The following RHOBTB2 variants were observed in gnomAD, a reference collection of about 807,000 sequenced individuals.
RHOBTB2 encodes the protein rho-related BTB domain-containing protein 2.
In RHOBTB2, 39 loss-of-function variants were observed where a neutral mutation model predicts 66.5. The observed-to-expected ratio is 0.59, with a 90% CI of 0.45 to 0.77. RHOBTB2 has a LOEUF of 0.77. RHOBTB2 is among the 30% of genes least tolerant of loss of function. RHOBTB2 has a pLI of 0.00. For synonymous variants in RHOBTB2, 390 were observed against 395.0 expected (o/e 0.99, Z 0.15); for missense variants, 755 against 999.1 (o/e 0.76, Z 3.29).
intron 9 of RHOBTB2, among the ~76,000 whole-genome samples, chr8:23,015,956 C>CA (rs1554505792): frequency 1.3e-5 from 2 of 152,238 alleles, no homozygotes; most frequent in African/African-American, 4.8e-5. Flanking sequence ...TTCTCATTCT[C>CA]AGAGGTATGA....
At position 23,014,781 on chromosome 8, in the gene RHOBTB2, A is replaced by G; in HGVS notation, c.1860+3A>G. ...TTGTGTTCCTGGAACTGGCTCAGGTATCATGGCAGGGGAGGGAATCTACAA... is the reference window on the plus strand; with the variant it reads ...TTGTGTTCCTGGAACTGGCTCAGGTGTCATGGCAGGGGAGGGAATCTACAA... On this transcript the variant is annotated splice_donor_region_variant and intron_variant, in intron 8 of 9. Coordinates refer to ENST00000251822, the MANE Select transcript of RHOBTB2 (RefSeq NM_015178.3). The G allele has an allele frequency of 6.2e-7, 1 of 1,612,144 alleles. No homozygotes were observed. Among genetic ancestry groups the G allele is most frequent in the Non-Finnish European group, 8.5e-7 (1 of 1,178,254 alleles).
the RHOBTB2 span, among the ~76,000 whole-genome samples, chr8:22,958,839 C>T: frequency 7.3e-6 from 1 of 136,778 alleles, no homozygotes; most frequent in African/African-American, 2.7e-5. Flanking sequence ...GGTTGAACAT[C>T]TGAAGTATGC....
chr8:23,011,996 C>T (rs1159242077), intron 7 of RHOBTB2, among the ~76,000 whole-genome samples: 2 of 152,096 alleles, frequency 1.3e-5, no homozygotes, highest in African/African-American at 2.4e-5. Flanking sequence ...ATATTAAGAG[C>T]GGAGGCTGCA....
chr8:23,010,589 C>G lies in RHOBTB2; in HGVS notation c.1672C>G (p.Leu558Val), dbSNP rs768318061. Residue 558 changes from leucine (L) to valine (V), a missense_variant, in exon 7 of 10, where the codon CTC becomes GTC. This residue lies in a region of RHOBTB2 where 353 missense variants were observed against 458.2 expected (regional missense o/e 0.77). Coordinates refer to ENST00000251822, the MANE Select transcript of RHOBTB2 (RefSeq NM_015178.3). ...KSCMRAVLEY[L>V]YTGMFTSSPD... ...CTGCATGCGGGCCGTGCTGGAATAC[C>G]TCTACACCGGCATGTTCACCTCCAG... 2 of 1,614,136 alleles carry G rather than the reference C, an allele frequency of 1.2e-6. No homozygotes were observed. Among genetic ancestry groups the G allele is most frequent in the Non-Finnish European group, 8.5e-7 (1 of 1,180,022 alleles).
the RHOBTB2 span, among the ~76,000 whole-genome samples, chr8:22,976,767 A>C: frequency 6.6e-6 from 1 of 151,692 alleles, no homozygotes; most frequent in Non-Finnish European, 1.5e-5. Flanking sequence ...CCGTGATTAC[A>C]AGCATGTGCC....
intron 1 of RHOBTB2, among the ~76,000 whole-genome samples, chr8:23,003,559 A>G (rs1474644283): frequency 2.0e-5 from 3 of 152,202 alleles, no homozygotes; most frequent in African/African-American, 7.2e-5. Context: ...GTGGAGGTGG[A>G]TCTCACTCTC....
chr8:22,997,804 A>C (rs1203164858), upstream of RHOBTB2, among the ~76,000 whole-genome samples: 1 of 152,026 alleles, frequency 6.6e-6, no homozygotes, highest in East Asian at 1.9e-4. Context: ...CGTGGGAGAG[A>C]CCCTGGCCTG....
upstream of RHOBTB2, among the ~76,000 whole-genome samples, chr8:22,996,728 C>T (rs1224782737): frequency 6.6e-6 from 1 of 152,004 alleles, no homozygotes. Flanking sequence ...GAGTGGGAGG[C>T]TTCCTGTGCT....
Position 22,999,988 on chromosome 8 carries a change from C to CCGGCGT in RHOBTB2, c.-125_-120dup, listed in dbSNP as rs1035550626. The CCGGCGT allele has an allele frequency of 1.0e-5, 10 of 985,454 alleles. No individual in the cohort carries two copies. Among genetic ancestry groups the CCGGCGT allele is most frequent in the African/African-American group, 1.7e-5 (1 of 57,240 alleles). The allele number at this position is 985,454 out of a possible 1,614,324, so 61.0% of individuals were successfully genotyped here. The stretch of plus-strand genomic sequence containing the variant: ...GGAGCCCAGCAGCAGCGCGGCGGCG[C>CCGGCGT]CGGCGTCGTCCCAACTTGCAGGCGC... On this transcript the variant is annotated 5_prime_UTR_variant, in exon 1 of 10. Coordinates refer to ENST00000251822, the MANE Select transcript of RHOBTB2 (RefSeq NM_015178.3).
the RHOBTB2 span, among the ~76,000 whole-genome samples, chr8:22,960,667 G>A: frequency 5.9e-5 from 9 of 152,146 alleles, no homozygotes; most frequent in South Asian, 2.1e-4. Flanking sequence ...ACAGATCACA[G>A]TGCACAGCTA....
rs1314227950 is a variant in RHOBTB2, at chr8:22,999,799, C to A, written c.-317C>A. ...CGCGCCGCCCGCTGCCTCCGCAGCC[C>A]GGCTCCGCGCGCCGCCGTGACATTG... On this transcript the variant is annotated 5_prime_UTR_variant, in exon 1 of 10. Coordinates refer to ENST00000251822, the MANE Select transcript of RHOBTB2 (RefSeq NM_015178.3). 1.0e-6 allele frequency: 1 copy of A among 983,252 alleles called. No individual in the cohort carries two copies. Among genetic ancestry groups the A allele is most frequent in the Non-Finnish European group, 1.2e-6 (1 of 829,574 alleles). The allele number at this position is 983,252 out of a possible 1,614,324, so 60.9% of individuals were successfully genotyped here.
chr8:22,978,730 A>G, the RHOBTB2 span, among the ~76,000 whole-genome samples: 1 of 152,148 alleles, frequency 6.6e-6, no homozygotes, highest in Non-Finnish European at 1.5e-5. Context: ...ATGTTCATTG[A>G]CTGTATTTAC....
chr8:22,999,590 C>G lies in RHOBTB2; in HGVS notation c.-526C>G. ...TCGTCTTGGGTGCGATTTTTTTCTC[C>G]TCCTTTTTTTACCCTCCCGTTTTTT... On this transcript the variant is annotated 5_prime_UTR_variant, in exon 1 of 10. Transcript: ENST00000251822. The G allele has an allele frequency of 8.1e-7, 1 of 1,227,534 alleles. No homozygotes were observed. The highest frequency in any genetic ancestry group is 1.0e-6 in the Non-Finnish European group (1 of 965,732). 76.0% of individuals were successfully genotyped at this position (1,227,534 alleles called of 1,614,324 possible).
rs371500397 is a variant in RHOBTB2 at position 23,005,487 on chromosome 8, C to T, written c.296+12C>T. On this transcript the variant is annotated intron_variant, in intron 3 of 9. Transcript: ENST00000251822. ...TTTGCTTATGGGAGGTAGGGAAGGC[C>T]TCTAGCCGCCTGCAGAGAACCAACA... The T allele has an allele frequency of 6.4e-5, 99 of 1,558,342 alleles. No individual in the cohort carries two copies. The African/African-American group carries it at 1.2e-3, about 18-fold the overall frequency.
chr8:23,015,849 T>TG (rs1811275969), intron 9 of RHOBTB2, 106 bp downstream of exon 9: 3 of 823,042 alleles, frequency 3.6e-6, no homozygotes, highest in Non-Finnish European at 3.8e-6. Context: ...TCCTTGACCT[T>TG]GGGGCTGGGA....
In RHOBTB2 at chr8:23,004,168, C is replaced by T. The variant is rs1810874166; in HGVS notation, c.-10-257C>T. 3 of 517,514 alleles carry T rather than the reference C, an allele frequency of 5.8e-6. No homozygotes were observed. In the East Asian group the frequency reaches 1.1e-4, roughly 18 times the overall value. The allele number at this position is 517,514 out of a possible 1,614,324, so 32.1% of individuals were successfully genotyped here. ...CGTAGGTCTCCTTCATCCAGACGCA[C>T]AGCTGGAGGATCGTGGGAGCAGGAA... is the stretch of plus-strand genomic sequence containing the variant. On this transcript the variant is annotated intron_variant, in intron 1 of 9. Coordinates refer to ENST00000251822, the MANE Select transcript of RHOBTB2 (RefSeq NM_015178.3). This position sits in a 1 kb window ranked among gnomAD's most constrained non-coding sequence, Gnocchi z 6.4.
In RHOBTB2 at chr8:23,006,261, C is replaced by T. The variant is rs1217402998; in HGVS notation, c.482+116C>T. 7.8e-6 allele frequency: 7 copies of T among 902,750 alleles called. No individual in the cohort carries two copies. The highest frequency in any genetic ancestry group is 1.2e-5 in the Non-Finnish European group (7 of 587,354). The allele number at this position is 902,750 out of a possible 1,614,324, so 55.9% of individuals were successfully genotyped here. On this transcript the variant is annotated intron_variant, in intron 4 of 9. Transcript: ENST00000251822. The surrounding 1 kb of genome is among the most constrained non-coding windows in gnomAD (Gnocchi z 6.1). ...TATCTCTCCCTCCATTTGGAGCAAG[C>T]TTGCATTGGGAGTCAACAAGCATGC...
At chr8:22,998,894 G>A (rs940902555), upstream of RHOBTB2, 2 of 152,154 alleles carry the variant, frequency 1.3e-5, no homozygotes, top group African/African-American at 2.4e-5. Context: ...CGATTTTCGA[G>A]GCTACTCACT....
rs933758765 is a variant in RHOBTB2, at chr8:22,999,842, G to A, written c.-274G>A. On this transcript the variant is annotated 5_prime_UTR_variant, in exon 1 of 10. Transcript: ENST00000251822. ...TGACATTGGGCGCCTGGCGCGCGGG[G>A]CGATGCTGATCCGGAAGGGGCAGCG... 1 of 984,544 alleles carries A rather than the reference G, an allele frequency of 1.0e-6. No homozygotes were observed. The highest frequency in any genetic ancestry group is 6.2e-5 in the Admixed American group (1 of 16,168). 61.0% of individuals were successfully genotyped at this position (984,544 alleles called of 1,614,324 possible). A position where few individuals can be genotyped will look rare whatever the true frequency, so the allele number is the denominator to read the frequency against.
Sources: gnomAD v4.1 joint callset for allele counts (sites outside exome capture counted in the v4.1 genomes callset) on GRCh38, gnomAD v4.1.1 for gene constraint, gnomAD v4.1.1 regional missense constraint, Gnocchi (gnomAD v3.1) non-coding constraint, MANE v1.5 for transcripts, NCBI Gene and HGNC (gene_info 2026-07-23, HGNC 2026-07-21) for gene names.